Variants in PAM observed in about 807,000 individuals in gnomAD.
PAM encodes the protein peptidylglycine alpha-amidating monooxygenase.
In PAM, 72 loss-of-function variants were observed where a neutral mutation model predicts 122.1. The ratio of observed to expected loss-of-function variants is 0.59; its 90% CI spans 0.49 to 0.72. PAM has a LOEUF of 0.72. Ranked by LOEUF, PAM falls within the 30% of genes least tolerant of loss-of-function variation. PAM has a pLI of 0.00. For synonymous variants in PAM, 389 were observed against 404.4 expected (o/e 0.96, Z 0.46); for missense variants, 1,106 against 1,183.7 (o/e 0.93, Z 0.96).
Position 102,818,335 on chromosome 5 carries a change from A to G in PAM, c.-373-47488A>G, listed in dbSNP as rs80294491. Among the ~76,000 whole-genome samples, 1,187 of 152,246 alleles carry G rather than the reference A, an allele frequency of 7.8e-3. 16 individuals carry two copies. The highest frequency in any genetic ancestry group is 0.027 in the African/African-American group (1,122 of 41,560). ...GTTAGCGTAGTAAATAACCTGTTACATAGAGAACACACAGTTCCTTTCAAA... is the reference window on the plus strand; with the variant it reads ...GTTAGCGTAGTAAATAACCTGTTACGTAGAGAACACACAGTTCCTTTCAAA... On this transcript the variant is annotated intron_variant, in intron 1 of 25. Coordinates refer to ENST00000438793, the MANE Select transcript of PAM (RefSeq NM_001177306.2).
At chr5:102,890,027 C>A (rs892504898) in intron 3 of PAM, among the ~76,000 whole-genome samples, 1 of 151,854 alleles carries the variant, frequency 6.6e-6, no homozygotes, top group African/African-American at 2.4e-5. Context: ...CTTAAAGATC[C>A]TTTTCTTTCC....
intron 14 of PAM, among the ~76,000 whole-genome samples, chr5:102,968,107 G>A (rs1582311282): frequency 1.3e-5 from 2 of 152,096 alleles, no homozygotes; most frequent in Non-Finnish European, 1.5e-5. Context: ...CTTGTGTTAC[G>A]ATATGGACAA....
At chr5:102,945,835 T>C (rs1582010744) in intron 7 of PAM, among the ~76,000 whole-genome samples, 1 of 152,202 alleles carries the variant, frequency 6.6e-6, no homozygotes, top group East Asian at 1.9e-4. Flanking sequence ...TCAATTTTTA[T>C]TGCAATAAAC....
chr5:102,874,869 A>G (rs1001350874), intron 3 of PAM, among the ~76,000 whole-genome samples: 1 of 152,192 alleles, frequency 6.6e-6, no homozygotes, highest in Non-Finnish European at 1.5e-5. Flanking sequence ...TGTTCAAGGC[A>G]TTATTATCCC....
At chr5:102,781,107 T>G (rs1327616645) in intron 1 of PAM, among the ~76,000 whole-genome samples, 2 of 152,134 alleles carry the variant, frequency 1.3e-5, no homozygotes, top group Non-Finnish European at 2.9e-5. Context: ...ATGAGAATGA[T>G]ACAGTATTGA....
chr5:102,967,912 G>A lies in PAM; in HGVS notation c.1163-6204G>A, dbSNP rs148200023. 2.7e-3 allele frequency among the ~76,000 whole-genome samples: 407 copies of A among 152,082 alleles called. 3 individuals carry two copies. The highest frequency in any genetic ancestry group is 9.5e-3 in the African/African-American group (393 of 41,494). ...TAATTTTTGTATTTTTGGTAGAGAT[G>A]GGGTTTCACCTTGTTGGCCAGGCTG... is the stretch of plus-strand genomic sequence containing the variant. On this transcript the variant is annotated intron_variant, in intron 14 of 25. Transcript: ENST00000438793.
At chr5:102,939,256 T>G (rs1754284749) in intron 7 of PAM, among the ~76,000 whole-genome samples, 1 of 152,146 alleles carries the variant, frequency 6.6e-6, no homozygotes, top group South Asian at 2.1e-4. Context: ...ACCCTTCACC[T>G]TATCTCCATT....
At chr5:103,005,638 C>T (rs1470133586) in intron 18 of PAM, among the ~76,000 whole-genome samples, 1 of 152,120 alleles carries the variant, frequency 6.6e-6, no homozygotes, top group African/African-American at 2.4e-5. Context: ...TCCTGATTAC[C>T]TCCCAAAGGC....
chr5:102,915,431 A>G (rs1003201575), intron 5 of PAM, among the ~76,000 whole-genome samples: 1 of 152,154 alleles, frequency 6.6e-6, no homozygotes, highest in Non-Finnish European at 1.5e-5. Flanking sequence ...AACATATCAC[A>G]TAGGAACCCA....
intron 3 of PAM, among the ~76,000 whole-genome samples, chr5:102,882,849 T>G (rs766383804): frequency 6.6e-5 from 10 of 152,098 alleles, no homozygotes; most frequent in Non-Finnish European, 1.3e-4. Flanking sequence ...TTTTATGGTT[T>G]CAGGTCTTAG....
chr5:102,775,210 T>A (rs1002988241), intron 1 of PAM, among the ~76,000 whole-genome samples: 41 of 152,000 alleles, frequency 2.7e-4, no homozygotes, highest in Admixed American at 1.2e-3. Flanking sequence ...GCCTAAAAAA[T>A]TTTTTTTAAA....
Position 102,905,960 on chromosome 5 carries a change from G to T in PAM, c.268+4547G>T, listed in dbSNP as rs149292240. On this transcript the variant is annotated intron_variant, in intron 4 of 25. Coordinates refer to ENST00000438793, the MANE Select transcript of PAM (RefSeq NM_001177306.2). The stretch of plus-strand genomic sequence containing the variant: ...GAAAAACAGAAATAAGACATATATA[G>T]TAGAGGTTTTGATGAGTGGATACAG... Among the ~76,000 whole-genome samples the T allele has an allele frequency of 4.2e-3, 631 of 151,760 alleles. 8 individuals carry two copies. Among genetic ancestry groups the T allele is most frequent in the African/African-American group, 0.014 (595 of 41,480 alleles).
At chr5:102,844,188 CA>C (rs143426763) in intron 1 of PAM, among the ~76,000 whole-genome samples, 4,164 of 152,216 alleles carry the variant, frequency 0.027, 220 homozygotes, top group African/African-American at 0.094. Flanking sequence ...ATGCAGAGTG[CA>C]AAAAGCCAAT....
intron 5 of PAM, among the ~76,000 whole-genome samples, chr5:102,916,105 TG>T (rs1803009404): frequency 6.6e-6 from 1 of 152,184 alleles, no homozygotes; most frequent in African/African-American, 2.4e-5. Context: ...CTGGATTCCC[TG>T]GGTAGGTTAT....
Position 102,949,586 on chromosome 5 carries a change from C to T in PAM, c.693C>T (p.Val231=), listed in dbSNP as rs370927449. ...SCHYKNYPMH[V]FAYRVHTHHL... is the part of the protein sequence containing the mutation. ...ATTATAAAAATTATCCAATGCATGT[C>T]TTTGCCTATAGAGTTCACACTCACC... The change falls in exon 10 of 26, where the codon GTC becomes GTT. Residue 231 remains valine (V), a synonymous_variant. Transcript: ENST00000438793. 1.3e-6 allele frequency: 2 copies of T among 1,537,174 alleles called. No individual in the cohort carries two copies. The highest frequency in any genetic ancestry group is 2.7e-5 in the African/African-American group (2 of 73,356).
intron 15 of PAM, among the ~76,000 whole-genome samples, chr5:102,984,042 CAAT>C (rs1770883299): frequency 1.3e-5 from 2 of 152,158 alleles, no homozygotes; most frequent in South Asian, 2.1e-4. Flanking sequence ...AGCAAAACAA[CAAT>C]ATCTACCATC....
At chr5:102,842,915 A>C (rs1222272954) in intron 1 of PAM, among the ~76,000 whole-genome samples, 1 of 152,210 alleles carries the variant, frequency 6.6e-6, no homozygotes, top group Non-Finnish European at 1.5e-5. Context: ...AATTCGCCAT[A>C]ATCTAGAGAC....
In PAM at chr5:103,002,530, T is replaced by A. The variant is rs546528971; in HGVS notation, c.1614-503T>A. 8.0e-4 allele frequency among the ~76,000 whole-genome samples: 122 copies of A among 152,266 alleles called. 1 individual carries two copies. Among genetic ancestry groups the A allele is most frequent in the Non-Finnish European group, 1.3e-3 (90 of 68,004 alleles). On this transcript the variant is annotated intron_variant, in intron 16 of 25. Transcript: ENST00000438793. ...CTCTTTTATATCTCTATAATATGTA[T>A]ATGCATGTTGTACCTAAAGTATAAT...
chr5:102,828,654 C>T (rs1387517888), intron 1 of PAM, among the ~76,000 whole-genome samples: 1 of 152,198 alleles, frequency 6.6e-6, no homozygotes, highest in Non-Finnish European at 1.5e-5. Flanking sequence ...CTAACAGTCT[C>T]TGGCATATAG....
Sources: allele counts gnomAD v4.1 joint callset (sites outside exome capture counted in the v4.1 genomes callset), GRCh38; gene constraint gnomAD v4.1.1; transcripts MANE v1.5; gene names NCBI Gene and HGNC (gene_info 2026-07-23, HGNC 2026-07-21).